Variants in GPT2 observed in about 807,000 individuals in gnomAD.
The protein encoded by GPT2 is alanine aminotransferase 2.
Under a neutral mutation model 56.9 loss-of-function variants are expected in GPT2, and 30 were observed. That is an observed-to-expected ratio of 0.53 (90% CI 0.39 to 0.72). The LOEUF is 0.72. GPT2 is among the 30% of genes least tolerant of loss of function. The probability of loss-of-function intolerance (pLI) is 0.00; values close to 1 mark genes in which losing one functional copy is unlikely to be tolerated. For synonymous variants in GPT2, 271 were observed against 283.1 expected (o/e 0.96, Z 0.43); for missense variants, 542 against 703.4 (o/e 0.77, Z 2.60).
chr16:46,899,121 C>T (rs988441217), intron 3 of GPT2, among the ~76,000 whole-genome samples: 2 of 150,390 alleles, frequency 1.3e-5, no homozygotes, highest in Non-Finnish European at 3.0e-5. Flanking sequence ...TAACCTCAAA[C>T]TCCTGGGCTG....
intron 2 of GPT2, among the ~76,000 whole-genome samples, chr16:46,894,173 T>G (rs1960640372): frequency 6.6e-6 from 1 of 152,206 alleles, no homozygotes; most frequent in African/African-American, 2.4e-5. Context: ...TTCCCAGGCT[T>G]CGCGGCAGCG....
intron 4 of GPT2, among the ~76,000 whole-genome samples, chr16:46,905,011 A>G (rs974602931): frequency 4.6e-5 from 7 of 151,220 alleles, no homozygotes; most frequent in Non-Finnish European, 1.0e-4. Flanking sequence ...GCAGAGCCCA[A>G]TGCTGCGCAG....
At chr16:46,908,069 C>A (rs1960971708) in intron 5 of GPT2, among the ~76,000 whole-genome samples, 1 of 145,334 alleles carries the variant, frequency 6.9e-6, no homozygotes. Flanking sequence ...AGCCTGCAGT[C>A]CTGGGTTTGG....
At chr16:46,914,056 T>C (rs1567340253) in intron 6 of GPT2, among the ~76,000 whole-genome samples, 1 of 152,224 alleles carries the variant, frequency 6.6e-6, no homozygotes, top group Non-Finnish European at 1.5e-5. Flanking sequence ...AGCCTGATTA[T>C]AGTGGTGGTT....
chr16:46,917,732 GTACA>G (rs1475929868), intron 7 of GPT2, among the ~76,000 whole-genome samples: 1 of 151,666 alleles, frequency 6.6e-6, no homozygotes, highest in Non-Finnish European at 1.5e-5. Flanking sequence ...ATATACATAT[GTACA>G]TACAGACACA....
intron 6 of GPT2, among the ~76,000 whole-genome samples, chr16:46,914,428 C>T (rs1026988130): frequency 1.3e-5 from 2 of 152,264 alleles, no homozygotes; most frequent in East Asian, 1.9e-4. Context: ...TTCAGCTATT[C>T]GGGAAGGCTG....
At chr16:46,899,776 G>A (rs1051910642) in intron 3 of GPT2, among the ~76,000 whole-genome samples, 14 of 152,374 alleles carry the variant, frequency 9.2e-5, no homozygotes, top group Non-Finnish European at 1.9e-4. Context: ...CATGGGCCTG[G>A]GTTTAAGTTG....
At chr16:46,909,969 G>T (rs946594988) in intron 6 of GPT2, 42 bp downstream of exon 6, 2 of 1,547,154 alleles carry the variant, frequency 1.3e-6, no homozygotes, top group African/African-American at 1.4e-5. Context: ...GAGGGTGGGG[G>T]TGGCTGATAC....
intron 3 of GPT2, among the ~76,000 whole-genome samples, chr16:46,899,210 T>G (rs1462600052): frequency 1.3e-5 from 2 of 151,590 alleles, no homozygotes; most frequent in Admixed American, 1.3e-4. Flanking sequence ...TTTTTAAAAT[T>G]TTTGGTAGAG....
At chr16:46,889,772 C>T (rs1354145392) in intron 2 of GPT2, among the ~76,000 whole-genome samples, 2 of 152,212 alleles carry the variant, frequency 1.3e-5, no homozygotes, top group Non-Finnish European at 2.9e-5. Context: ...ATGCTTTGAA[C>T]AGCTGTGAAG....
intron 2 of GPT2, chr16:46,885,340 G>A (rs1276647812): frequency 1.3e-6 from 1 of 747,840 alleles, no homozygotes; most frequent in African/African-American, 2.0e-5. Flanking sequence ...AAGTAAAACG[G>A]AAGAGGGTTG....
intron 6 of GPT2, among the ~76,000 whole-genome samples, chr16:46,910,380 CAAAAA>C (rs4039999): frequency 1.3e-4 from 6 of 46,476 alleles, no homozygotes; most frequent in African/African-American, 4.2e-4. Flanking sequence ...GACTCTGTCT[CAAAAA>C]AAAAAAAAAA....
chr16:46,920,438 A>G (rs749118621), intron 8 of GPT2, among the ~76,000 whole-genome samples: 3 of 152,244 alleles, frequency 2.0e-5, no homozygotes, highest in Non-Finnish European at 4.4e-5. Flanking sequence ...TCTCATACGT[A>G]CATGGAGTGA....
intron 9 of GPT2, 21 bp downstream of exon 9, chr16:46,922,437 C>G (rs1351959425): frequency 1.9e-6 from 3 of 1,581,710 alleles, no homozygotes; most frequent in Admixed American, 3.7e-5. Flanking sequence ...TGTGATGCGT[C>G]TGCACCCCTG....
rs116094976 is a variant in GPT2, at chr16:46,896,688, C to T, written c.244-960C>T. Reference sequence around the variant, plus strand: ...GGCATGTTCTGCTGCTGACCCCTGCCTCCCTCCCACACATCTGGCCCGGAG... The same window carrying T: ...GGCATGTTCTGCTGCTGACCCCTGCTTCCCTCCCACACATCTGGCCCGGAG... On this transcript the variant is annotated intron_variant, in intron 2 of 11. Transcript: ENST00000340124. 4.5e-3 allele frequency among the ~76,000 whole-genome samples: 686 copies of T among 152,268 alleles called. 7 individuals carry two copies. Among genetic ancestry groups the T allele is most frequent in the African/African-American group, 0.016 (651 of 41,550 alleles).
At position 46,930,689 on chromosome 16, in the gene GPT2, A is replaced by G. The variant is rs979312770; in HGVS notation, c.*1692A>G. 6.6e-6 allele frequency: 1 copy of G among 152,600 alleles called. No homozygotes were observed. The highest frequency in any genetic ancestry group is 1.5e-5 in the Non-Finnish European group (1 of 68,044). 9.5% of individuals were successfully genotyped at this position (152,600 alleles called of 1,614,324 possible). ...AAAAGGTTAAATCGTAGAAGCTAGT[A>G]TATTTTTTATATTTTTGTAACAATT... On this transcript the variant is annotated 3_prime_UTR_variant, in exon 12 of 12. Transcript: ENST00000340124.
chr16:46,893,240 C>T (rs1232860483), intron 2 of GPT2, among the ~76,000 whole-genome samples: 4 of 152,244 alleles, frequency 2.6e-5, no homozygotes, highest in Non-Finnish European at 5.9e-5. Flanking sequence ...ACACCATTCT[C>T]CTACCTCAGC....
In GPT2 at chr16:46,909,876, G is replaced by GGTGCTCTGC; in HGVS notation, c.769_770insGTGCTCTGC (p.Asp257delinsGlyAlaLeuHis). 1.2e-6 allele frequency: 2 copies of GGTGCTCTGC among 1,614,108 alleles called. No individual in the cohort carries two copies. The highest frequency in any genetic ancestry group is 1.7e-6 in the Non-Finnish European group (2 of 1,180,012). On this transcript the variant is annotated protein_altering_variant, in exon 6 of 12. Coordinates refer to ENST00000340124, the MANE Select transcript of GPT2 (RefSeq NM_133443.4). ...CCGGCGGGCGGTGCAGGAGGCCAAA[G>GGTGCTCTGC]ACCACTGTGATCCTAAGGTGCTCTG... is the stretch of plus-strand genomic sequence containing the variant.
chr16:46,885,874 C>T lies in GPT2; in HGVS notation c.243+916C>T, dbSNP rs58234240. ...CTAAGATTTGTAAGAAGCTAATAAT[C>T]ACCTAGCTGCTTGCTAGAGAGAGTC... is the stretch of plus-strand genomic sequence containing the variant. On this transcript the variant is annotated intron_variant, in intron 2 of 11. Coordinates refer to ENST00000340124, the MANE Select transcript of GPT2 (RefSeq NM_133443.4). 2.0e-3 allele frequency among the ~76,000 whole-genome samples: 307 copies of T among 152,230 alleles called. 2 individuals carry two copies. Among genetic ancestry groups the T allele is most frequent in the African/African-American group, 6.7e-3 (278 of 41,528 alleles).
Sources: gnomAD v4.1 joint callset for allele counts (sites outside exome capture counted in the v4.1 genomes callset) on GRCh38, gnomAD v4.1.1 for gene constraint, MANE v1.5 for transcripts, NCBI Gene and HGNC (gene_info 2026-07-23, HGNC 2026-07-21) for gene names.